ZNF562: variants seen among roughly 807,000 people sequenced by gnomAD.
ZNF562 encodes zinc finger protein 562.
A neutral mutation model predicts 17.5 loss-of-function variants in ZNF562; 13 were observed. The ratio of observed to expected loss-of-function variants is 0.74; its 90% CI spans 0.48 to 1.18. The LOEUF (loss-of-function observed/expected upper bound fraction) is 1.18, where lower values mean the gene tolerates loss of function less well. ZNF562 is among the 50% of genes most tolerant of loss of function. The probability of loss-of-function intolerance (pLI) is 0.00; values close to 1 mark genes in which losing one functional copy is unlikely to be tolerated. For missense variants in ZNF562, 481 were observed against 498.5 expected (o/e 0.96, Z 0.33); for synonymous variants, 163 against 165.4 (o/e 0.99, Z 0.11).
In ZNF562 at chr19:9,653,463, C is replaced by T. The variant is rs771253388; in HGVS notation, c.767G>A (p.Gly256Glu). 3.1e-6 allele frequency: 5 copies of T among 1,614,072 alleles called. No homozygotes were observed. The highest frequency in any genetic ancestry group is 3.3e-5 in the Admixed American group (2 of 59,990). ...HLKQCVAVHT[G>E]KKSEKTKNCG... ...GTTCTTAGTCTTTTCGGATTTCTTT[C>T]CAGTATGAACTGCTACACACTGCTT... The change falls in exon 6 of 6, where the codon GGA (glycine) becomes GAA (glutamate). Residue 256 changes from glycine to glutamate, a missense_variant. Physicochemically the swap from Gly to Glu is moderately conservative, Grantham distance 98. Around this residue, in one of 2 missense-constraint regions of ZNF562, gnomAD observed 403 missense variants for 386.4 expected, o/e 1.04. Coordinates refer to ENST00000453372, the MANE Select transcript of ZNF562 (RefSeq NM_001130031.2).
chr19:9,668,759 AAAAC>A lies in ZNF562; in HGVS notation c.-131+6252_-131+6255del, dbSNP rs201188553. 4.4e-3 allele frequency among the ~76,000 whole-genome samples: 666 copies of A among 152,280 alleles called. 5 individuals are homozygous for A. The highest frequency in any genetic ancestry group is 0.015 in the African/African-American group (641 of 41,534). On this transcript the variant is annotated intron_variant, in intron 1 of 5. Coordinates refer to ENST00000453372, the MANE Select transcript of ZNF562 (RefSeq NM_001130031.2). ...AAATCAGCATGGTACTGACATAAAAAAAACAAACAAACACATAGATCAATGGAAG... is the reference window on the plus strand; with the variant it reads ...AAATCAGCATGGTACTGACATAAAAAAAACAAACACATAGATCAATGGAAG...
intron 4 of ZNF562, 128 bp from the exon 5 acceptor site, chr19:9,656,781 T>C: frequency 1.2e-6 from 1 of 851,952 alleles, no homozygotes; most frequent in Non-Finnish European, 1.8e-6. Context: ...TCCCAGGACT[T>C]TGGGAGGCTG....
At chr19:9,656,495 A>G (rs1359579408) in intron 5 of ZNF562, 52 bp downstream of exon 5, 1 of 1,594,686 alleles carries the variant, frequency 6.3e-7, no homozygotes, top group African/African-American at 1.3e-5. Flanking sequence ...GCAGAGCAAG[A>G]CTCCGTCTCA....
intron 1 of ZNF562, among the ~76,000 whole-genome samples, chr19:9,670,751 G>T (rs2044163620): frequency 1.3e-5 from 2 of 152,154 alleles, no homozygotes; most frequent in Non-Finnish European, 2.9e-5. Flanking sequence ...CACTTTAGGA[G>T]GCCAAGGCGG....
intron 5 of ZNF562, among the ~76,000 whole-genome samples, chr19:9,655,390 T>C (rs1189641476): frequency 2.0e-5 from 3 of 152,214 alleles, no homozygotes; most frequent in Non-Finnish European, 4.4e-5. Flanking sequence ...TATACAGGTA[T>C]GGAACATCAG....
At chr19:9,672,232 G>A (rs762669122) in intron 1 of ZNF562, among the ~76,000 whole-genome samples, 27 of 152,164 alleles carry the variant, frequency 1.8e-4, no homozygotes, top group Admixed American at 1.2e-3. Flanking sequence ...AAGAGCATAC[G>A]TTGAATCAAT....
chr19:9,659,520 C>T (rs763896951), intron 2 of ZNF562, 53 bp from the exon 3 acceptor site: 132 of 1,529,048 alleles, frequency 8.6e-5, no homozygotes, highest in Non-Finnish European at 1.0e-4. Flanking sequence ...CATTCTTATG[C>T]CCAGAAGTCA....
chr19:9,652,906 G>A lies in ZNF562; in HGVS notation c.*43C>T. On this transcript the variant is annotated 3_prime_UTR_variant, in exon 6 of 6. Coordinates refer to ENST00000453372, the MANE Select transcript of ZNF562 (RefSeq NM_001130031.2). ...GTTTCTCTCTGGTAGGAGTTCACAGGTGGGGTGAGGAATACAGAAATTCTT... is the reference window on the plus strand; with the variant it reads ...GTTTCTCTCTGGTAGGAGTTCACAGATGGGGTGAGGAATACAGAAATTCTT... 6.8e-7 allele frequency: 1 copy of A among 1,460,960 alleles called. No individual in the cohort carries two copies. The highest frequency in any genetic ancestry group is 1.4e-5 in the African/African-American group (1 of 70,972). 90.5% of individuals were successfully genotyped at this position (1,460,960 alleles called of 1,614,324 possible). A position where few individuals can be genotyped will look rare whatever the true frequency, so the allele number is the denominator to read the frequency against.
Position 9,647,156 on chromosome 19 carries a change from A to G in ZNF562, c.*5793T>C, listed in dbSNP as rs957197201. The G allele has an allele frequency of 2.0e-4, 30 of 149,190 alleles. No individual in the cohort carries two copies. The highest frequency in any genetic ancestry group is 7.5e-4 in the African/African-American group (30 of 40,092). 9.2% of individuals were successfully genotyped at this position (149,190 alleles called of 1,614,324 possible). A position where few individuals can be genotyped will look rare whatever the true frequency, so the allele number is the denominator to read the frequency against. Reference sequence around the variant, plus strand: ...GAGTGCAGTGGTGTGATCTAGGCTCATTGAAACCTCCACTTCAGGGGTTCA... The same window carrying G: ...GAGTGCAGTGGTGTGATCTAGGCTCGTTGAAACCTCCACTTCAGGGGTTCA... On this transcript the variant is annotated 3_prime_UTR_variant, in exon 6 of 6. Transcript: ENST00000453372.
chr19:9,669,734 G>GCACACACACACACA (rs71188835), intron 1 of ZNF562, among the ~76,000 whole-genome samples: 117 of 109,328 alleles, frequency 1.1e-3, no homozygotes, highest in South Asian at 1.8e-3. Flanking sequence ...GCGCGCGCGC[G>GCACACACACACACA]CACACACACA....
chr19:9,656,191 T>C (rs1005740129), intron 5 of ZNF562, among the ~76,000 whole-genome samples: 1 of 152,198 alleles, frequency 6.6e-6, no homozygotes, highest in African/African-American at 2.4e-5. Flanking sequence ...GAATTCTCAA[T>C]CTTTTCTGAG....
At position 9,656,571 on chromosome 19, in the gene ZNF562, A is replaced by G. The variant is rs372092707; in HGVS notation, c.324T>C (p.Asn108=). ...CCATTTGTATCCCAGTGAATATTTG[A>G]TTCTTCAAAAAACCCTGCTGAAGTG... is the stretch of plus-strand genomic sequence containing the variant. ...RSSLQQGFLK[N]QIFTGIQMQT... Residue 108 remains asparagine, a synonymous_variant, in exon 5 of 6, where the codon AAT becomes AAC. Transcript: ENST00000453372. 16 of 1,613,772 alleles carry G rather than the reference A, an allele frequency of 9.9e-6. No individual in the cohort carries two copies. Among genetic ancestry groups the G allele is most frequent in the Admixed American group, 1.7e-5 (1 of 59,986 alleles).
intron 4 of ZNF562, 93 bp from the exon 5 acceptor site, chr19:9,656,746 C>T (rs550477167): frequency 1.2e-4 from 157 of 1,313,634 alleles, no homozygotes; most frequent in Admixed American, 6.6e-4. Flanking sequence ...AGCCACAGGC[C>T]AGGCACGGTG....
chr19:9,660,887 A>C lies in ZNF562; in HGVS notation c.-130-13T>G. On this transcript the variant is annotated splice_polypyrimidine_tract_variant and intron_variant, in intron 1 of 5. Coordinates refer to ENST00000453372, the MANE Select transcript of ZNF562 (RefSeq NM_001130031.2). ...GTTATCTGAGGCCCTGTTCATACCA[A>C]TCACCAAACAACAAGCATCAAACAT... 1.5e-6 allele frequency: 1 copy of C among 646,792 alleles called. No homozygotes were observed. Among genetic ancestry groups the C allele is most frequent in the Non-Finnish European group, 2.6e-6 (1 of 389,642 alleles). The allele number at this position is 646,792 out of a possible 1,614,324, so 40.1% of individuals were successfully genotyped here.
At chr19:9,663,409 C>T (rs74378002) in intron 1 of ZNF562, among the ~76,000 whole-genome samples, 2 of 100,436 alleles carry the variant, frequency 2.0e-5, no homozygotes, top group South Asian at 3.5e-4. Flanking sequence ...GACTCCATCT[C>T]AAAAAAAAAA....
chr19:9,668,953 A>G (rs2044048459), intron 1 of ZNF562, among the ~76,000 whole-genome samples: 1 of 151,926 alleles, frequency 6.6e-6, no homozygotes, highest in African/African-American at 2.4e-5. Context: ...CTCAGCATAA[A>G]AAAAAAAAGT....
In ZNF562 at chr19:9,660,764, G is replaced by C. The variant is rs2043706060; in HGVS notation, c.-20C>G. 1 of 1,613,194 alleles carries C rather than the reference G, an allele frequency of 6.2e-7. No individual in the cohort carries two copies. Among genetic ancestry groups the C allele is most frequent in the Admixed American group, 1.7e-5 (1 of 59,882 alleles). On this transcript the variant is annotated 5_prime_UTR_variant, in exon 2 of 6. The change creates a new upstream start codon in the 5' untranslated region. Transcript: ENST00000453372. ...TGACATCCTCTGAAGCTGATGGTGA[G>C]ATGTGCCTCAATGCTGTCTTTCTTG...
At chr19:9,673,949 A>G (rs2044303789) in intron 1 of ZNF562, among the ~76,000 whole-genome samples, 1 of 152,204 alleles carries the variant, frequency 6.6e-6, no homozygotes, top group Non-Finnish European at 1.5e-5. Flanking sequence ...TGCCACAAAA[A>G]AAAAGCACTC....
At chr19:9,659,122 C>T (rs1157531466) in intron 3 of ZNF562, among the ~76,000 whole-genome samples, 1 of 152,190 alleles carries the variant, frequency 6.6e-6, no homozygotes, top group Non-Finnish European at 1.5e-5. Context: ...CCGCACCCAG[C>T]AATGTAAGAA....
Sources: allele counts gnomAD v4.1 joint callset (sites outside exome capture counted in the v4.1 genomes callset), GRCh38; gene constraint gnomAD v4.1.1; regional missense constraint gnomAD v4.1.1; transcripts MANE v1.5; gene names NCBI Gene and HGNC (gene_info 2026-07-23, HGNC 2026-07-21).